The following RALGAPB variants were observed in gnomAD, a reference collection of about 807,000 sequenced individuals.
RALGAPB encodes Ral GTPase activating protein non-catalytic subunit beta.
In RALGAPB, 25 loss-of-function variants were observed where a neutral mutation model predicts 161.1. The observed-to-expected ratio is 0.16, with a 90% confidence interval of 0.11 to 0.22. RALGAPB has a LOEUF of 0.22. RALGAPB is among the 10% of genes least tolerant of loss of function. The pLI is 1.00. For synonymous variants in RALGAPB, 629 were observed against 626.1 expected, an observed-to-expected ratio of 1.00 and a Z score of -0.07; for missense variants, 1,391 against 1,815.2, an observed-to-expected ratio of 0.77 and a Z score of 4.25.
intron 19 of RALGAPB, chr20:38,548,162 C>T (rs997896710): frequency 1.3e-5 from 2 of 151,658 alleles, no homozygotes; most frequent in African/African-American, 4.9e-5. Context: ...TTTTTAACAC[C>T]CCCATCATGT....
At chr20:38,492,446 A>G (rs2085307908) in intron 2 of RALGAPB, among the ~76,000 whole-genome samples, 1 of 151,506 alleles carries the variant, frequency 6.6e-6, no homozygotes, top group Non-Finnish European at 1.5e-5. Context: ...TTTGGCAGAG[A>G]ACAGTTGTAA....
chr20:38,565,248 C>A, intron 24 of RALGAPB, 111 bp from the exon 25 acceptor site: 1 of 1,239,454 alleles, frequency 8.1e-7, no homozygotes, highest in Non-Finnish European at 1.1e-6. Flanking sequence ...TTGTTGAAAA[C>A]ATATATTCTA....
At chr20:38,518,504 T>C (rs1379593658) in intron 9 of RALGAPB, among the ~76,000 whole-genome samples, 1 of 152,126 alleles carries the variant, frequency 6.6e-6, no homozygotes, top group Non-Finnish European at 1.5e-5. Context: ...AAATATTATT[T>C]GCTTTTTAAC....
chr20:38,571,580 C>G (rs1419268830), intron 28 of RALGAPB, among the ~76,000 whole-genome samples: 1 of 152,190 alleles, frequency 6.6e-6, no homozygotes, highest in African/African-American at 2.4e-5. Context: ...TATGTGTACA[C>G]CACATTTTCC....
At chr20:38,524,196 G>A (rs1205128813) in intron 10 of RALGAPB, among the ~76,000 whole-genome samples, 2 of 152,160 alleles carry the variant, frequency 1.3e-5, no homozygotes, top group Admixed American at 6.5e-5. Context: ...ATTCCTAAAA[G>A]GAATCTTATT....
At chr20:38,564,887 TC>T (rs2087931402) in intron 24 of RALGAPB, among the ~76,000 whole-genome samples, 1 of 146,972 alleles carries the variant, frequency 6.8e-6, no homozygotes, top group Non-Finnish European at 1.5e-5. Flanking sequence ...CTCCTCTTCC[TC>T]CTCCTCTTTT....
In RALGAPB at chr20:38,495,267, A is replaced by G. The variant is rs534739106; in HGVS notation, c.390-2086A>G. ...TTTGCTAGAGATTATGTCAGAATGA[A>G]TGTAACATTTCTCTTTTGCCCATCA... On this transcript the variant is annotated intron_variant, in intron 3 of 29. Coordinates refer to ENST00000262879, the MANE Select transcript of RALGAPB (RefSeq NM_020336.4). Among the ~76,000 whole-genome samples the G allele has an allele frequency of 3.9e-5, 6 of 152,326 alleles. No individual in the cohort carries two copies. In the South Asian group the frequency reaches 1.2e-3, roughly 32 times the overall value.
chr20:38,483,928 T>G (rs931639275), intron 1 of RALGAPB, among the ~76,000 whole-genome samples: 1 of 152,214 alleles, frequency 6.6e-6, no homozygotes, highest in African/African-American at 2.4e-5. Context: ...CAGTGGCTCA[T>G]GCCTGTAATC....
chr20:38,570,912 A>C (rs7266464), intron 28 of RALGAPB, 65 bp downstream of exon 28: 1 of 1,066,020 alleles, frequency 9.4e-7, no homozygotes, highest in African/African-American at 1.6e-5. Context: ...GCAGCTTAAT[A>C]AATAAGGAAT....
At chr20:38,548,449 T>G (rs1016696429) in intron 19 of RALGAPB, among the ~76,000 whole-genome samples, 1 of 152,244 alleles carries the variant, frequency 6.6e-6, no homozygotes, top group Non-Finnish European at 1.5e-5. Context: ...ATATAATTAG[T>G]ACATGCCAAA....
intron 26 of RALGAPB, among the ~76,000 whole-genome samples, chr20:38,568,151 C>G (rs1333135427): frequency 6.6e-6 from 1 of 152,014 alleles, no homozygotes; most frequent in Admixed American, 6.6e-5. Flanking sequence ...TACTCATTTT[C>G]TGAATGCCAG....
intron 1 of RALGAPB, among the ~76,000 whole-genome samples, chr20:38,486,008 C>T (rs558528532): frequency 2.2e-4 from 9 of 41,582 alleles, no homozygotes; most frequent in African/African-American, 7.9e-4. Context: ...TTGCTTTTGT[C>T]GCCCAGGCTG....
chr20:38,481,547 A>G lies in RALGAPB; in HGVS notation c.-30-6856A>G, dbSNP rs1192583242. Among the ~76,000 whole-genome samples, 7 of 152,354 alleles carry G rather than the reference A, an allele frequency of 4.6e-5. No individual in the cohort carries two copies. The East Asian group carries it at 9.6e-4, about 21-fold the overall frequency. On this transcript the variant is annotated intron_variant, in intron 1 of 29. Transcript: ENST00000262879. ...GAGATTCATTCGCTGTCATGAGAAC[A>G]GCGCAGTGAAGACTTGCCCCCATAA...
At chr20:38,489,420 G>C (rs1361914230) in intron 2 of RALGAPB, among the ~76,000 whole-genome samples, 1 of 152,166 alleles carries the variant, frequency 6.6e-6, no homozygotes, top group Non-Finnish European at 1.5e-5. Flanking sequence ...TCTAAAGATA[G>C]GGGCTCTTGG....
chr20:38,505,570 G>T (rs1281523333), intron 5 of RALGAPB, among the ~76,000 whole-genome samples: 2 of 152,142 alleles, frequency 1.3e-5, no homozygotes, highest in African/African-American at 2.4e-5. Context: ...TTTAAAAAGG[G>T]AAAGGATTAT....
At chr20:38,550,789 A>G (rs945990754) in intron 20 of RALGAPB, among the ~76,000 whole-genome samples, 1 of 152,176 alleles carries the variant, frequency 6.6e-6, no homozygotes, top group African/African-American at 2.4e-5. Context: ...TTGGATAACC[A>G]CTGAATGTGG....
Position 38,577,838 on chromosome 20 carries a change from G to T in RALGAPB, c.*2871G>T, listed in dbSNP as rs2088494150. The T allele has an allele frequency of 6.6e-6, 1 of 152,112 alleles. No homozygotes were observed. The highest frequency in any genetic ancestry group is 1.5e-5 in the Non-Finnish European group (1 of 68,062). The allele number at this position is 152,112 out of a possible 1,614,324, so 9.4% of individuals were successfully genotyped here. On this transcript the variant is annotated 3_prime_UTR_variant, in exon 30 of 30. Transcript: ENST00000262879. ...ATACAAGTACCCACACCTTTGGCCA[G>T]TAATGTCAGTTACCTGCTGCAGGTT...
intron 19 of RALGAPB, 37 bp downstream of exon 19, chr20:38,546,467 A>T (rs753066008): frequency 3.0e-5 from 48 of 1,612,370 alleles, no homozygotes; most frequent in Non-Finnish European, 3.9e-5. Flanking sequence ...TCTACTGCTT[A>T]ATCAGTGTTA....
intron 3 of RALGAPB, among the ~76,000 whole-genome samples, chr20:38,495,369 A>T (rs1600853535): frequency 6.6e-6 from 1 of 152,192 alleles, no homozygotes; most frequent in South Asian, 2.1e-4. Flanking sequence ...TTGCTCACAT[A>T]TACTATACTG....
Sources: gnomAD v4.1 joint callset for allele counts (sites outside exome capture counted in the v4.1 genomes callset) on GRCh38, gnomAD v4.1.1 for gene constraint, MANE v1.5 for transcripts, NCBI Gene and HGNC (gene_info 2026-07-23, HGNC 2026-07-21) for gene names.